SLC25A21: variants seen among roughly 807,000 people sequenced by gnomAD.
The protein encoded by SLC25A21 is mitochondrial 2-oxodicarboxylate carrier.
SLC25A21 carries 47 observed loss-of-function variants against 43.8 expected under a neutral mutation model. That is an observed-to-expected ratio of 1.07 (90% CI 0.85 to 1.37). The LOEUF is 1.37. SLC25A21 is among the 40% of genes most tolerant of loss of function. SLC25A21 has a pLI of 0.00. For synonymous variants in SLC25A21, 131 were observed against 121.3 expected, an observed-to-expected ratio of 1.08 and a Z score of -0.52; for missense variants, 352 against 350.2, an observed-to-expected ratio of 1.00 and a Z score of -0.04.
intron 1 of SLC25A21, among the ~76,000 whole-genome samples, chr14:37,043,194 A>T (rs993034953): frequency 6.6e-6 from 1 of 152,164 alleles, no homozygotes; most frequent in African/African-American, 2.4e-5. Context: ...TAGTTCAGAC[A>T]GGACCCATTT....
At chr14:37,160,759 G>A (rs1594825064) in intron 1 of SLC25A21, among the ~76,000 whole-genome samples, 2 of 151,978 alleles carry the variant, frequency 1.3e-5, no homozygotes, top group East Asian at 1.9e-4. Context: ...GTGAAACCCT[G>A]TCTCTACTAA....
At chr14:36,909,940 T>C (rs1401473541) in intron 1 of SLC25A21, among the ~76,000 whole-genome samples, 3 of 152,140 alleles carry the variant, frequency 2.0e-5, no homozygotes, top group East Asian at 1.9e-4. Flanking sequence ...CAAAGAACTG[T>C]AGTTTATTAG....
intron 3 of SLC25A21, among the ~76,000 whole-genome samples, chr14:36,757,599 C>G (rs1019116579): frequency 6.6e-6 from 1 of 152,168 alleles, no homozygotes; most frequent in African/African-American, 2.4e-5. Flanking sequence ...CCTTAAAGAT[C>G]TATCTCATTC....
At chr14:36,821,695 T>G (rs998431600) in intron 2 of SLC25A21, among the ~76,000 whole-genome samples, 2 of 152,074 alleles carry the variant, frequency 1.3e-5, no homozygotes, top group Non-Finnish European at 2.9e-5. Flanking sequence ...CAGACACCTG[T>G]TATCCCAGCT....
At chr14:37,156,997 T>C (rs566211436) in intron 1 of SLC25A21, among the ~76,000 whole-genome samples, 4 of 152,304 alleles carry the variant, frequency 2.6e-5, no homozygotes, top group Admixed American at 2.0e-4. Flanking sequence ...CAGCCACACA[T>C]GGCACATTCT....
chr14:36,979,330 TGG>T (rs1491315266), intron 1 of SLC25A21, among the ~76,000 whole-genome samples: 18,968 of 144,184 alleles, frequency 0.13, 4,560 homozygotes, highest in African/African-American at 0.49. Context: ...AGTGTTTTTT[TGG>T]TTTTTTTTTT....
chr14:37,132,531 G>A (rs1390833253), intron 1 of SLC25A21, among the ~76,000 whole-genome samples: 1 of 152,178 alleles, frequency 6.6e-6, no homozygotes, highest in African/African-American at 2.4e-5. Context: ...TGGAGGGATT[G>A]AAAGAGCTTC....
chr14:36,933,711 C>T (rs1419009539), intron 1 of SLC25A21, among the ~76,000 whole-genome samples: 1 of 152,094 alleles, frequency 6.6e-6, no homozygotes, highest in Non-Finnish European at 1.5e-5. Flanking sequence ...AACTGCCCAG[C>T]CCCCTCCTCC....
At chr14:36,896,441 C>T (rs144592910) in intron 1 of SLC25A21, among the ~76,000 whole-genome samples, 2,112 of 152,148 alleles carry the variant, frequency 0.014, 41 homozygotes, top group African/African-American at 0.046. Flanking sequence ...TGTCTCTGCA[C>T]GTGAGATGGG....
chr14:37,029,700 C>G (rs963381116), intron 1 of SLC25A21, among the ~76,000 whole-genome samples: 2 of 150,688 alleles, frequency 1.3e-5, no homozygotes, highest in Non-Finnish European at 2.9e-5. Context: ...CACCCCCACA[C>G]AGAAGAAAAC....
intron 3 of SLC25A21, among the ~76,000 whole-genome samples, chr14:36,750,121 A>C (rs1885648622): frequency 6.6e-6 from 1 of 152,200 alleles, no homozygotes. Flanking sequence ...CCACTGACGC[A>C]GAATGTTGGT....
intron 1 of SLC25A21, among the ~76,000 whole-genome samples, chr14:37,034,170 C>T (rs551539590): frequency 9.9e-5 from 15 of 152,194 alleles, no homozygotes; most frequent in African/African-American, 3.6e-4. Context: ...ATGCCTGCCA[C>T]TACGCCCAGC....
intron 3 of SLC25A21, among the ~76,000 whole-genome samples, chr14:36,771,551 A>G (rs965344838): frequency 6.6e-6 from 1 of 152,180 alleles, no homozygotes; most frequent in Admixed American, 6.5e-5. Context: ...GCTCTTGTGC[A>G]AAAAGCCCAG....
Position 36,679,722 on chromosome 14 carries a change from T to G in SLC25A21, c.*936A>C. 1 of 985,446 alleles carries G rather than the reference T, an allele frequency of 1.0e-6. No homozygotes were observed. Among genetic ancestry groups the G allele is most frequent in the Non-Finnish European group, 1.2e-6 (1 of 829,910 alleles). 61.0% of individuals were successfully genotyped at this position (985,446 alleles called of 1,614,324 possible). On this transcript the variant is annotated 3_prime_UTR_variant, in exon 10 of 10. Transcript: ENST00000331299. ...TGAAAATGCAGTTCTGTTCTATACA[T>G]TCTTCCTAAAAATGGCACAGGTAGG...
chr14:36,852,846 G>T (rs1217784534), intron 2 of SLC25A21, among the ~76,000 whole-genome samples: 1 of 151,976 alleles, frequency 6.6e-6, no homozygotes, highest in African/African-American at 2.4e-5. Flanking sequence ...AAGCCATACA[G>T]GAAACACTAC....
In SLC25A21 at chr14:36,964,715, G is replaced by A. The variant is rs145414072; in HGVS notation, c.71-89711C>T. Among the ~76,000 whole-genome samples the A allele has an allele frequency of 1.9e-4, 29 of 152,284 alleles. No homozygotes were observed. The East Asian group carries it at 5.0e-3, about 26-fold the overall frequency. On this transcript the variant is annotated intron_variant, in intron 1 of 9. Transcript: ENST00000331299. The stretch of plus-strand genomic sequence containing the variant: ...ATAAATATAAGTAGAATCAGGGCCT[G>A]CAGTATAATCACATAATCCCAGTCC...
chr14:36,713,936 A>G (rs759297164), intron 6 of SLC25A21, among the ~76,000 whole-genome samples: 1 of 152,160 alleles, frequency 6.6e-6, no homozygotes, highest in Non-Finnish European at 1.5e-5. Flanking sequence ...GTGAGGCTGC[A>G]GTGAACTGTT....
chr14:37,136,148 G>A (rs1174319834), intron 1 of SLC25A21, among the ~76,000 whole-genome samples: 1 of 152,112 alleles, frequency 6.6e-6, no homozygotes, highest in African/African-American at 2.4e-5. Flanking sequence ...ATAAACTAGG[G>A]AGACATTCTG....
At chr14:36,738,591 G>C (rs1885134730) in intron 3 of SLC25A21, among the ~76,000 whole-genome samples, 1 of 152,174 alleles carries the variant, frequency 6.6e-6, no homozygotes, top group African/African-American at 2.4e-5. Context: ...TGACGGCAAA[G>C]GCATCACTCT....
Sources: allele counts gnomAD v4.1 joint callset (sites outside exome capture counted in the v4.1 genomes callset), GRCh38; gene constraint gnomAD v4.1.1; transcripts MANE v1.5; gene names NCBI Gene and HGNC (gene_info 2026-07-23, HGNC 2026-07-21).